SHISA6: variants seen among roughly 807,000 people sequenced by gnomAD.
SHISA6 encodes the protein shisa family member 6, also known as protein shisa-6.
In SHISA6, 22 loss-of-function variants were observed where a neutral mutation model predicts 47.9. The ratio of observed to expected loss-of-function variants is 0.46; its 90% CI spans 0.33 to 0.66. SHISA6 has a LOEUF of 0.66. Ranked by LOEUF, SHISA6 falls within the 30% of genes least tolerant of loss-of-function variation. The pLI, the probability that SHISA6 is intolerant of heterozygous loss-of-function variation, is 0.02. For synonymous variants in SHISA6, 388 were observed against 337.8 expected (o/e 1.15, Z -1.63); for missense variants, 680 against 764.6 (o/e 0.89, Z 1.30).
intron 2 of SHISA6, among the ~76,000 whole-genome samples, chr17:11,272,335 C>T (rs1908708814): frequency 6.6e-6 from 1 of 152,178 alleles, no homozygotes; most frequent in Non-Finnish European, 1.5e-5. Flanking sequence ...TCCTTATCTC[C>T]CAGGCTCCCG....
chr17:11,423,360 T>TAGAC (rs1417070274), intron 3 of SHISA6, among the ~76,000 whole-genome samples: 4 of 150,060 alleles, frequency 2.7e-5, no homozygotes, highest in East Asian at 1.9e-4. Context: ...GATAGATAGA[T>TAGAC]AGATAGATAT....
chr17:11,345,312 T>C (rs1376809151), intron 2 of SHISA6, among the ~76,000 whole-genome samples: 1 of 152,122 alleles, frequency 6.6e-6, no homozygotes, highest in East Asian at 1.9e-4. Context: ...AAATACCCAG[T>C]AGTGGGATTG....
At chr17:11,353,959 CT>C (rs766855041) in intron 2 of SHISA6, among the ~76,000 whole-genome samples, 9 of 152,150 alleles carry the variant, frequency 5.9e-5, no homozygotes, top group Non-Finnish European at 1.0e-4. Context: ...GAACCCCCTA[CT>C]CCAGGGGTTT....
chr17:11,502,885 T>C (rs894000639), intron 3 of SHISA6, among the ~76,000 whole-genome samples: 4 of 152,148 alleles, frequency 2.6e-5, no homozygotes, highest in Non-Finnish European at 5.9e-5. Flanking sequence ...GGCAGCCTTT[T>C]TGGATGGGTT....
intron 3 of SHISA6, among the ~76,000 whole-genome samples, chr17:11,522,993 T>A (rs1328085586): frequency 6.6e-6 from 1 of 152,244 alleles, no homozygotes; most frequent in East Asian, 1.9e-4. Flanking sequence ...GTACCATTGC[T>A]TAAGCAGACG....
intron 3 of SHISA6, among the ~76,000 whole-genome samples, chr17:11,546,693 G>A (rs1417791671): frequency 6.6e-6 from 1 of 152,202 alleles, no homozygotes; most frequent in Non-Finnish European, 1.5e-5. Flanking sequence ...GGCCGGGCGG[G>A]TTGATCACTT....
At chr17:11,271,398 A>G (rs970204477) in intron 2 of SHISA6, among the ~76,000 whole-genome samples, 2 of 152,114 alleles carry the variant, frequency 1.3e-5, no homozygotes, top group Non-Finnish European at 2.9e-5. Flanking sequence ...GGGATTCAAC[A>G]TGTCTTGCAT....
intron 3 of SHISA6, among the ~76,000 whole-genome samples, chr17:11,383,886 G>A (rs1851269873): frequency 6.6e-6 from 1 of 152,038 alleles, no homozygotes; most frequent in Admixed American, 6.6e-5. Flanking sequence ...AGATCACTCA[G>A]CCCCCAACAC....
At chr17:11,339,165 T>TG (rs539425604) in intron 2 of SHISA6, among the ~76,000 whole-genome samples, 1 of 136,986 alleles carries the variant, frequency 7.3e-6, no homozygotes, top group African/African-American at 2.7e-5. Context: ...AAAGTATGAT[T>TG]AAAAAAAAAA....
chr17:11,535,098 C>T (rs898367666), intron 3 of SHISA6, among the ~76,000 whole-genome samples: 4 of 152,032 alleles, frequency 2.6e-5, no homozygotes, highest in African/African-American at 9.7e-5. Context: ...CGCACCACTG[C>T]ACTCCAGCCT....
At chr17:11,404,882 G>A (rs551780275) in intron 3 of SHISA6, among the ~76,000 whole-genome samples, 12 of 152,210 alleles carry the variant, frequency 7.9e-5, no homozygotes, top group Non-Finnish European at 1.0e-4. Context: ...AACAGATGCC[G>A]ATTACATAGC....
Position 11,423,337 on chromosome 17 carries a change from AG to A in SHISA6, c.895+43829del, listed in dbSNP as rs1351934394. Among the ~76,000 whole-genome samples the A allele has an allele frequency of 2.3e-4, 5 of 22,164 alleles. No homozygotes were observed. The East Asian group carries it at 3.2e-3, about 14-fold the overall frequency. The allele number at this position is 22,164 out of a possible 152,430, so 14.5% of individuals were successfully genotyped here. A position where few individuals can be genotyped will look rare whatever the true frequency, so the allele number is the denominator to read the frequency against. On this transcript the variant is annotated intron_variant, in intron 3 of 5. Transcript: ENST00000441885. ...GCCTGTAACATATATATAGATAGATAGATAGATAGATAGATAGATAGATAGA... is the reference window on the plus strand; with the variant it reads ...GCCTGTAACATATATATAGATAGATAATAGATAGATAGATAGATAGATAGA...
At chr17:11,287,575 G>A (rs1222014007) in intron 2 of SHISA6, among the ~76,000 whole-genome samples, 2 of 151,016 alleles carry the variant, frequency 1.3e-5, no homozygotes, top group Non-Finnish European at 2.9e-5. Context: ...GGGAGGCTGA[G>A]GTAGGAGGAT....
chr17:11,292,905 A>T (rs559689024), intron 2 of SHISA6, among the ~76,000 whole-genome samples: 15 of 150,332 alleles, frequency 1.0e-4, no homozygotes, highest in Non-Finnish European at 1.3e-4. Flanking sequence ...GCTCATTGCA[A>T]CCTCTGCCTC....
intron 3 of SHISA6, among the ~76,000 whole-genome samples, chr17:11,398,723 G>T (rs929811273): frequency 1.3e-5 from 2 of 151,990 alleles, no homozygotes; most frequent in Non-Finnish European, 2.9e-5. Flanking sequence ...CTCCCAAGTA[G>T]CTGGGACTAC....
chr17:11,479,533 C>T (rs917526559), intron 3 of SHISA6, among the ~76,000 whole-genome samples: 3 of 151,722 alleles, frequency 2.0e-5, no homozygotes, highest in Admixed American at 6.6e-5. Context: ...ACCTAGATGA[C>T]GGGTTGATAG....
chr17:11,345,501 T>A (rs77439111), intron 2 of SHISA6, among the ~76,000 whole-genome samples: 12,937 of 152,214 alleles, frequency 0.085, 856 homozygotes, highest in East Asian at 0.23. Context: ...ATATGCAATT[T>A]CTTAAGAAAA....
At chr17:11,386,665 A>G (rs925604719) in intron 3 of SHISA6, among the ~76,000 whole-genome samples, 4 of 152,226 alleles carry the variant, frequency 2.6e-5, no homozygotes, top group African/African-American at 9.6e-5. Context: ...CAGAAGTAAC[A>G]TTCTTGGTAA....
chr17:11,305,471 G>A (rs1481723572), intron 2 of SHISA6, among the ~76,000 whole-genome samples: 2 of 152,190 alleles, frequency 1.3e-5, no homozygotes, highest in South Asian at 2.1e-4. Context: ...AGAAGGGCCC[G>A]AGTTCAGGTT....
Sources: gnomAD v4.1 joint callset for allele counts (sites outside exome capture counted in the v4.1 genomes callset) on GRCh38, gnomAD v4.1.1 for gene constraint, MANE v1.5 for transcripts, NCBI Gene and HGNC (gene_info 2026-07-23, HGNC 2026-07-21) for gene names.